PCDHA6: variants seen among roughly 807,000 people sequenced by gnomAD.
The protein encoded by PCDHA6 is protocadherin alpha 6, also known as protocadherin alpha-6.
A neutral mutation model predicts 60.3 loss-of-function variants in PCDHA6; 55 were observed. The ratio of observed to expected loss-of-function variants is 0.91; its 90% CI spans 0.73 to 1.14. The LOEUF (loss-of-function observed/expected upper bound fraction) is 1.14, where lower values mean the gene tolerates loss of function less well. PCDHA6 is among the 50% of genes most tolerant of loss of function. PCDHA6 has a pLI of 0.00. For synonymous variants in PCDHA6, 652 were observed against 557.9 expected (o/e 1.17, Z -2.38); for missense variants, 1,327 against 1,256.5 (o/e 1.06, Z -0.85).
At chr5:140,898,703 G>A (rs2066931625) in intron 1 of PCDHA6, among the ~76,000 whole-genome samples, 1 of 152,068 alleles carries the variant, frequency 6.6e-6, no homozygotes, top group Non-Finnish European at 1.5e-5. Context: ...GAACTTTAAA[G>A]TAGTTTTTTC....
At chr5:140,935,255 C>T (rs914593610) in intron 1 of PCDHA6, among the ~76,000 whole-genome samples, 4 of 152,150 alleles carry the variant, frequency 2.6e-5, no homozygotes, top group African/African-American at 9.7e-5. Context: ...TAAAATACAT[C>T]ACATGTTTAT....
In PCDHA6 at chr5:140,850,114, C is replaced by G. The variant is rs1286583620; in HGVS notation, c.2394+19629C>G. ...CAGTTCCAGGTGAGCGCGCGCGACG[C>G]GGGCGTGCCGCCTCTGGGCAGCAAC... On this transcript the variant is annotated intron_variant, in intron 1 of 3. Coordinates refer to ENST00000529310, the MANE Select transcript of PCDHA6 (RefSeq NM_018909.4). 9 of 1,595,876 alleles carry G rather than the reference C, an allele frequency of 5.6e-6. 1 individual carries two copies. The highest frequency in any genetic ancestry group is 1.1e-5 in the South Asian group (1 of 90,494).
At chr5:140,858,305 C>G (rs782690239) in intron 1 of PCDHA6, 1 of 1,597,172 alleles carries the variant, frequency 6.3e-7, no homozygotes, top group South Asian at 1.1e-5. Flanking sequence ...GCAGCAGAGG[C>G]GGCAGAGGGT....
At chr5:140,895,253 CT>C (rs1411327383) in intron 1 of PCDHA6, among the ~76,000 whole-genome samples, 2 of 151,968 alleles carry the variant, frequency 1.3e-5, no homozygotes, top group Non-Finnish European at 2.9e-5. Context: ...TCAAAGCTTT[CT>C]TTTTTTTCTT....
chr5:140,887,537 C>A (rs530539711), intron 1 of PCDHA6, among the ~76,000 whole-genome samples: 7 of 152,132 alleles, frequency 4.6e-5, no homozygotes, highest in African/African-American at 7.2e-5. Flanking sequence ...TTCCTCTCCC[C>A]ACCCCTCATG....
At chr5:140,922,289 G>C (rs1554200767) in intron 1 of PCDHA6, among the ~76,000 whole-genome samples, 1 of 152,222 alleles carries the variant, frequency 6.6e-6, no homozygotes, top group Non-Finnish European at 1.5e-5. Flanking sequence ...ATATGAAAAT[G>C]CTAGGAGAGG....
Position 140,927,005 on chromosome 5 carries a change from A to G in PCDHA6, c.2395-51944A>G, listed in dbSNP as rs1554203909. On this transcript the variant is annotated intron_variant, in intron 1 of 3. Coordinates refer to ENST00000529310, the MANE Select transcript of PCDHA6 (RefSeq NM_018909.4). ...ACGGAGCGGGGCGTAGCCGTAGGCA[A>G]TCTCTCCGCGGACTTGAGGCTGCCA... 6 of 1,612,394 alleles carry G rather than the reference A, an allele frequency of 3.7e-6. No homozygotes were observed. The South Asian group carries it at 4.4e-5, about 12-fold the overall frequency.
chr5:140,971,210 C>G (rs192930872), intron 1 of PCDHA6, among the ~76,000 whole-genome samples: 383 of 152,274 alleles, frequency 2.5e-3, no homozygotes, highest in Non-Finnish European at 3.7e-3. Context: ...CACTGTTACC[C>G]TCCCTCTCCT....
chr5:140,850,871 C>T (rs2041861877), intron 1 of PCDHA6: 1 of 1,591,984 alleles, frequency 6.3e-7, no homozygotes, highest in Admixed American at 1.7e-5. Flanking sequence ...CCTCTGCTTC[C>T]TCAGATTCAA....
At chr5:140,836,611 G>T (rs1554136131) in intron 1 of PCDHA6, 2 of 1,613,590 alleles carry the variant, frequency 1.2e-6, no homozygotes, top group East Asian at 4.5e-5. Context: ...GTGTGCTCCA[G>T]CGCGGTGGGG....
At chr5:140,945,000 G>T (rs980802301) in intron 1 of PCDHA6, among the ~76,000 whole-genome samples, 2 of 151,862 alleles carry the variant, frequency 1.3e-5, no homozygotes. Flanking sequence ...AACGGTTGTG[G>T]GTCATGAATT....
At chr5:140,858,366 G>A (rs2045372675) in intron 1 of PCDHA6, 1 of 1,590,834 alleles carries the variant, frequency 6.3e-7, no homozygotes, top group Admixed American at 1.7e-5. Flanking sequence ...TTCAGCCCCA[G>A]CCTTCCACCA....
intron 3 of PCDHA6, among the ~76,000 whole-genome samples, chr5:140,987,875 G>A (rs1293461683): frequency 6.6e-6 from 1 of 152,008 alleles, no homozygotes; most frequent in Non-Finnish European, 1.5e-5. Flanking sequence ...GTGGAAAATG[G>A]ACAGTTTATG....
chr5:140,836,356 C>T (rs2150258608), intron 1 of PCDHA6: 5 of 1,613,550 alleles, frequency 3.1e-6, no homozygotes, highest in South Asian at 2.2e-5. Context: ...GGGGAGCCCT[C>T]GCTGACAGCC....
At position 140,829,595 on chromosome 5, in the gene PCDHA6, C is replaced by G. The variant is rs147522996; in HGVS notation, c.1504C>G (p.Arg502Gly). 3 of 1,611,886 alleles carry G rather than the reference C, an allele frequency of 1.9e-6. No individual in the cohort carries two copies. The highest frequency in any genetic ancestry group is 2.5e-6 in the Non-Finnish European group (3 of 1,179,774). Reference sequence around the variant, plus strand: ...GCTGGTGGAGCGGCGGGTGGGCGAGCGCGCGTTGTCGAGCTACATTTCGGT... The same window carrying G: ...GCTGGTGGAGCGGCGGGTGGGCGAGGGCGCGTTGTCGAGCTACATTTCGGT... ...YSLVERRVGE[R>G]ALSSYISVHA... Residue 502 changes from arginine (R) to glycine (G), a missense_variant, in exon 1 of 4, where the codon CGC becomes GGC. Physicochemically the swap from Arg to Gly is moderately radical, Grantham distance 125. Coordinates refer to ENST00000529310, the MANE Select transcript of PCDHA6 (RefSeq NM_018909.4).
At chr5:140,884,310 GGGCGTC>G (rs1301213144) in intron 1 of PCDHA6, 7 of 1,613,674 alleles carry the variant, frequency 4.3e-6, no homozygotes, top group Non-Finnish European at 5.9e-6. Flanking sequence ...GCTTCGTCGA[GGGCGTC>G]GGCAGGCGCT....
chr5:140,843,565 G>T, intron 1 of PCDHA6: 1 of 1,595,918 alleles, frequency 6.3e-7, no homozygotes, highest in South Asian at 1.1e-5. Flanking sequence ...TGGGGAGCTG[G>T]TCATACTCGC....
chr5:140,940,756 T>A (rs782132428), intron 1 of PCDHA6, among the ~76,000 whole-genome samples: 23 of 152,246 alleles, frequency 1.5e-4, no homozygotes, highest in Non-Finnish European at 2.8e-4. Context: ...GTGTGCCAAC[T>A]TTTATTTGAC....
intron 1 of PCDHA6, chr5:140,928,089 T>G: frequency 6.2e-7 from 1 of 1,614,192 alleles, no homozygotes; most frequent in Non-Finnish European, 8.5e-7. Context: ...GCCTGCTGAT[T>G]GATGGGCCCC....
Sources: allele counts gnomAD v4.1 joint callset (sites outside exome capture counted in the v4.1 genomes callset), GRCh38; gene constraint gnomAD v4.1.1; transcripts MANE v1.5; gene names NCBI Gene and HGNC (gene_info 2026-07-23, HGNC 2026-07-21).